MIAT: variants seen among roughly 807,000 people sequenced by gnomAD.
The protein encoded by MIAT is MI related novel mRNA.
intron 2 of MIAT, among the ~76,000 whole-genome samples, chr22:26,652,092 C>T (rs1393560974): frequency 6.6e-6 from 1 of 152,160 alleles, no homozygotes. Flanking sequence ...CGCCTAGGCT[C>T]AAGTGATCCT....
rs1569220518 is a variant in MIAT at position 26,661,935 on chromosome 22, T to TAGATCC, written n.647-1380_647-1379insGATCCA. Among the ~76,000 whole-genome samples the TAGATCC allele has an allele frequency of 9.0e-4, 25 of 27,734 alleles. 1 individual carries two copies. In the East Asian group the frequency reaches 0.011, roughly 12 times the overall value. The allele number at this position is 27,734 out of a possible 152,430, so 18.2% of individuals were successfully genotyped here. The stretch of plus-strand genomic sequence containing the variant: ...ATAGATCCATATATATATATATATA[T>TAGATCC]ATATATATATATATATATATATATA... On this transcript the variant is annotated intron_variant and non_coding_transcript_variant, in intron 2 of 5. Transcript: ENST00000643270.
chr22:26,647,097 C>G (rs1372895053), intron 1 of MIAT: 1 of 398,090 alleles, frequency 2.5e-6, no homozygotes, highest in Admixed American at 4.4e-5. Context: ...GGGATGACAC[C>G]GTCAGCATGG....
chr22:26,672,769 C>T (rs1602374584), downstream of MIAT: 1 of 398,802 alleles, frequency 2.5e-6, no homozygotes, highest in East Asian at 3.6e-5. Context: ...CTTTCTTACA[C>T]CGGAAGTCAA....
downstream of MIAT, chr22:26,673,397 C>G (rs1931136675): frequency 4.3e-5 from 17 of 399,122 alleles, no homozygotes; most frequent in East Asian, 6.1e-4. Flanking sequence ...CTGCCTCACC[C>G]TGACTGCCCC....
intron 2 of MIAT, among the ~76,000 whole-genome samples, chr22:26,652,672 A>G (rs1930357126): frequency 6.6e-6 from 1 of 151,860 alleles, no homozygotes; most frequent in African/African-American, 2.4e-5. Context: ...CTCTTTTTTT[A>G]AAGAGGCACC....
chr22:26,675,347 G>C (rs1931222405), exon 5 of MIAT: 2 of 398,602 alleles, frequency 5.0e-6, no homozygotes, highest in East Asian at 7.1e-5. Flanking sequence ...TGCCGGGTCT[G>C]GTTGCCAAGA....
chr22:26,660,059 C>G (rs1239126013), intron 2 of MIAT, among the ~76,000 whole-genome samples: 1 of 151,222 alleles, frequency 6.6e-6, no homozygotes, highest in Non-Finnish European at 1.5e-5. Context: ...TGGTCTCGAA[C>G]TCCTCACCTC....
exon 5 of MIAT, chr22:26,675,207 G>A (rs1173787668): frequency 2.5e-6 from 1 of 398,876 alleles, no homozygotes; most frequent in Admixed American, 4.4e-5. Flanking sequence ...GTGGCTGGGT[G>A]GAGTGTGGGT....
At chr22:26,673,078 G>A, downstream of MIAT, 1 of 398,654 alleles carries the variant, frequency 2.5e-6, no homozygotes, top group Non-Finnish European at 4.4e-6. Flanking sequence ...GGGTTGAAAA[G>A]GGGTGTGGGG....
At chr22:26,669,580 C>A in exon 6 of MIAT, 1 of 398,670 alleles carries the variant, frequency 2.5e-6, no homozygotes, top group South Asian at 1.3e-4. Context: ...CAAAAACAGT[C>A]ACATAGCAGG....
intron 2 of MIAT, among the ~76,000 whole-genome samples, chr22:26,658,737 T>A (rs1165913922): frequency 6.6e-6 from 1 of 152,150 alleles, no homozygotes; most frequent in Non-Finnish European, 1.5e-5. Context: ...CACACCCCAC[T>A]GCAGTGCCGC....
intron 2 of MIAT, among the ~76,000 whole-genome samples, chr22:26,659,831 TC>T (rs1569219656): frequency 2.5e-5 from 3 of 119,988 alleles, no homozygotes; most frequent in Admixed American, 9.9e-5. Flanking sequence ...TTTCTTTCTT[TC>T]TTTCTTTCTT....
intron 3 of MIAT, among the ~76,000 whole-genome samples, chr22:26,665,031 G>A (rs953170444): frequency 1.3e-5 from 2 of 152,118 alleles, no homozygotes; most frequent in Non-Finnish European, 2.9e-5. Context: ...GAGGTTAGGA[G>A]TTCAAGACCA....
chr22:26,653,241 G>A (rs1329317589), intron 2 of MIAT, among the ~76,000 whole-genome samples: 2 of 152,228 alleles, frequency 1.3e-5, no homozygotes, highest in African/African-American at 4.8e-5. Flanking sequence ...TACCATGTTA[G>A]AGAACTGGGA....
At chr22:26,650,418 T>C (rs1484245137) in intron 2 of MIAT, 1 of 152,244 alleles carries the variant, frequency 6.6e-6, no homozygotes, top group African/African-American at 2.4e-5. Context: ...TCCTCTTTAA[T>C]GTACCTATTC....
At chr22:26,668,687 C>T (rs1194450117) in exon 6 of MIAT, 2 of 398,924 alleles carry the variant, frequency 5.0e-6, no homozygotes, top group Admixed American at 4.4e-5. Context: ...CCTCGGGTGC[C>T]GCTGGCTGGA....
rs528400084 is a variant in MIAT at position 26,665,731 on chromosome 22, AG to A, written n.931del. Reference sequence around the variant, plus strand: ...AAGTGGGAGGGGAAATGGGTGATGTAGCTCATTCTCTTTTCTACCTCTATGG... The same window carrying A: ...AAGTGGGAGGGGAAATGGGTGATGTACTCATTCTCTTTTCTACCTCTATGG... On this transcript the variant is annotated non_coding_transcript_exon_variant, in exon 4 of 6. Coordinates refer to ENST00000643270, the Ensembl canonical transcript of MIAT. The A allele has an allele frequency of 1.0e-4, 41 of 398,562 alleles. 1 individual carries two copies. The highest frequency in any genetic ancestry group is 6.2e-4 in the Middle Eastern group (1 of 1,610). The allele number at this position is 398,562 out of a possible 1,614,324, so 24.7% of individuals were successfully genotyped here. A position where few individuals can be genotyped will look rare whatever the true frequency, so the allele number is the denominator to read the frequency against.
chr22:26,656,844 G>A (rs1227557351), intron 2 of MIAT, among the ~76,000 whole-genome samples: 1 of 152,128 alleles, frequency 6.6e-6, no homozygotes, highest in African/African-American at 2.4e-5. Flanking sequence ...GAGTTCGGGG[G>A]GGTGCGGTGA....
At chr22:26,673,453 A>AG (rs1459339081), downstream of MIAT, 1 of 398,778 alleles carries the variant, frequency 2.5e-6, no homozygotes. Context: ...TGGGGGTTCC[A>AG]GGCTCCTGGC....
Sources: gnomAD v4.1 joint callset for allele counts (sites outside exome capture counted in the v4.1 genomes callset) on GRCh38, gnomAD v4.1.1 for gene constraint, MANE v1.5 for transcripts, NCBI Gene and HGNC (gene_info 2026-07-23, HGNC 2026-07-21) for gene names.